The following CDK14 variants were observed in gnomAD, a reference collection of about 807,000 sequenced individuals.
The protein encoded by CDK14 is cyclin dependent kinase 14.
CDK14 carries 34 observed loss-of-function variants against 60.7 expected under a neutral mutation model. The observed-to-expected ratio is 0.56, with a 90% CI of 0.43 to 0.75. The LOEUF (loss-of-function observed/expected upper bound fraction) is 0.75, where lower values mean the gene tolerates loss of function less well. Among genes scored for constraint, CDK14 ranks in the 30% least tolerant of loss-of-function variants. CDK14 has a pLI of 0.00. For missense variants in CDK14, 482 were observed against 564.1 expected (o/e 0.85, Z 1.47); for synonymous variants, 197 against 203.7 (o/e 0.97, Z 0.28).
chr7:91,203,675 C>T (rs539701430), intron 14 of CDK14, among the ~76,000 whole-genome samples: 2 of 152,272 alleles, frequency 1.3e-5, no homozygotes, highest in African/African-American at 2.4e-5. Context: ...CTGGAGTGGG[C>T]AGGCTTCCAG....
At chr7:91,077,559 A>G (rs1459248944) in intron 11 of CDK14, among the ~76,000 whole-genome samples, 1 of 152,138 alleles carries the variant, frequency 6.6e-6, no homozygotes, top group African/African-American at 2.4e-5. Context: ...CTTAAAACCT[A>G]GATGACGGGT....
intron 10 of CDK14, among the ~76,000 whole-genome samples, chr7:91,013,647 A>C (rs908593958): frequency 3.0e-5 from 4 of 135,444 alleles, no homozygotes; most frequent in African/African-American, 5.5e-5. Flanking sequence ...ACACGGTCTC[A>C]TTGCCTCTGT....
intron 8 of CDK14, among the ~76,000 whole-genome samples, chr7:90,921,323 A>G (rs1322901372): frequency 1.3e-5 from 2 of 152,030 alleles, no homozygotes; most frequent in African/African-American, 4.8e-5. Flanking sequence ...CCTGTTTCTT[A>G]CCATAGAAGT....
intron 11 of CDK14, among the ~76,000 whole-genome samples, chr7:91,066,193 T>A (rs904158998): frequency 2.0e-5 from 3 of 152,216 alleles, no homozygotes; most frequent in Non-Finnish European, 4.4e-5. Context: ...ACAGCTAGAA[T>A]TTCATGTGGC....
At position 91,122,806 on chromosome 7, in the gene CDK14, C is replaced by A. The variant is rs561876720; in HGVS notation, c.*28+4598C>A. Reference sequence around the variant, plus strand: ...CAGAGAGTGGCTCTGATTGATGTAGCCATCATCATGAAGCAGAGAGCAAAG... The same window carrying A: ...CAGAGAGTGGCTCTGATTGATGTAGACATCATCATGAAGCAGAGAGCAAAG... On this transcript the variant is annotated intron_variant, in intron 14 of 14. Coordinates refer to ENST00000380050, the MANE Select transcript of CDK14 (RefSeq NM_001287135.2). Among the ~76,000 whole-genome samples, 11 of 152,232 alleles carry A rather than the reference C, an allele frequency of 7.2e-5. No homozygotes were observed. In the East Asian group the frequency reaches 2.1e-3, roughly 29 times the overall value.
intron 2 of CDK14, among the ~76,000 whole-genome samples, chr7:90,623,098 C>G (rs1175855006): frequency 6.6e-6 from 1 of 150,994 alleles, no homozygotes; most frequent in Non-Finnish European, 1.5e-5. Flanking sequence ...TTTAAAAATT[C>G]TTTTTATTTA....
At chr7:90,863,304 A>G (rs1268665061) in intron 6 of CDK14, 35 bp downstream of exon 6, 2 of 1,254,348 alleles carry the variant, frequency 1.6e-6, no homozygotes, top group Middle Eastern at 2.2e-4. Context: ...TTAGACATTT[A>G]AAATATGAAT....
intron 6 of CDK14, among the ~76,000 whole-genome samples, chr7:90,895,479 ACCTCTCCTCT>A (rs1356231845): frequency 6.6e-4 from 1 of 1,526 alleles, no homozygotes; most frequent in Non-Finnish European, 1.3e-3. Flanking sequence ...TCCTCTCCTC[ACCTCTCCTCT>A]CCTCTCCTCT....
At chr7:91,119,711 G>T (rs1413747415) in intron 14 of CDK14, among the ~76,000 whole-genome samples, 1 of 152,030 alleles carries the variant, frequency 6.6e-6, no homozygotes, top group Non-Finnish European at 1.5e-5. Context: ...CTCAACATAG[G>T]GGTCAATTTT....
chr7:91,170,655 TTACAATGAAGAA>T (rs1801486698), intron 14 of CDK14, among the ~76,000 whole-genome samples: 1 of 152,294 alleles, frequency 6.6e-6, no homozygotes, highest in East Asian at 1.9e-4. Context: ...ATTCAATTAT[TTACAATGAAGAA>T]TACCAAATAA....
At chr7:91,170,036 C>A (rs1801467760) in intron 14 of CDK14, among the ~76,000 whole-genome samples, 1 of 152,136 alleles carries the variant, frequency 6.6e-6, no homozygotes, top group Non-Finnish European at 1.5e-5. Context: ...GGTCATTATC[C>A]TGTTGCCTGG....
intron 2 of CDK14, among the ~76,000 whole-genome samples, chr7:90,657,118 A>G (rs1039080629): frequency 3.8e-4 from 58 of 152,154 alleles, no homozygotes; most frequent in African/African-American, 1.4e-3. Context: ...TCATTTATGT[A>G]ACTCCTTCTC....
At chr7:90,921,996 A>G (rs756660475) in intron 8 of CDK14, among the ~76,000 whole-genome samples, 1 of 152,196 alleles carries the variant, frequency 6.6e-6, no homozygotes, top group Non-Finnish European at 1.5e-5. Flanking sequence ...GAATTCACAT[A>G]AGAATAGTAG....
intron 12 of CDK14, among the ~76,000 whole-genome samples, chr7:91,097,524 AT>A (rs890709838): frequency 2.0e-4 from 31 of 151,504 alleles, no homozygotes; most frequent in African/African-American, 4.4e-4. Flanking sequence ...CACTAATAAG[AT>A]TTTTTTTTGT....
At chr7:90,640,930 C>T (rs1420618835) in intron 2 of CDK14, among the ~76,000 whole-genome samples, 1 of 151,984 alleles carries the variant, frequency 6.6e-6, no homozygotes, top group East Asian at 1.9e-4. Flanking sequence ...AAATTCTTGG[C>T]AAAGGATCTG....
chr7:90,630,514 T>G (rs1488578362), intron 2 of CDK14, among the ~76,000 whole-genome samples: 1 of 152,214 alleles, frequency 6.6e-6, no homozygotes, highest in South Asian at 2.1e-4. Context: ...TATTCTGAAA[T>G]TTTCAGAAAT....
intron 4 of CDK14, among the ~76,000 whole-genome samples, chr7:90,766,627 T>C (rs1354115980): frequency 6.6e-6 from 1 of 152,146 alleles, no homozygotes; most frequent in African/African-American, 2.4e-5. Flanking sequence ...AAAATCTGCT[T>C]TCTTGAAATC....
intron 4 of CDK14, among the ~76,000 whole-genome samples, chr7:90,769,576 C>T (rs1446738018): frequency 6.6e-6 from 1 of 151,724 alleles, no homozygotes; most frequent in African/African-American, 2.4e-5. Context: ...AAGCGATTCT[C>T]CTGCCTCAGC....
At chr7:90,853,521 CACAA>C (rs57867622) in intron 5 of CDK14, among the ~76,000 whole-genome samples, 39,283 of 151,654 alleles carry the variant, frequency 0.26, 5,291 homozygotes, top group South Asian at 0.31. Flanking sequence ...TACGTAAACA[CACAA>C]ACACACACAC....
Sources: allele counts gnomAD v4.1 joint callset (sites outside exome capture counted in the v4.1 genomes callset), GRCh38; gene constraint gnomAD v4.1.1; transcripts MANE v1.5; gene names NCBI Gene and HGNC (gene_info 2026-07-23, HGNC 2026-07-21).